Variants in TOPBP1 observed in about 807,000 individuals in gnomAD.
TOPBP1 encodes DNA topoisomerase II binding protein 1.
A neutral mutation model predicts 167.7 loss-of-function variants in TOPBP1; 28 were observed. The ratio of observed to expected loss-of-function variants is 0.17; its 90% confidence interval spans 0.12 to 0.23. The LOEUF (loss-of-function observed/expected upper bound fraction) is 0.23, where lower values mean the gene tolerates loss of function less well. Among genes scored for constraint, TOPBP1 ranks in the 10% least tolerant of loss-of-function variants. The probability of loss-of-function intolerance (pLI) is 1.00; values close to 1 mark genes in which losing one functional copy is unlikely to be tolerated. For missense variants in TOPBP1, 1,554 were observed against 1,809.6 expected (o/e 0.86, Z 2.56); for synonymous variants, 598 against 611.4 (o/e 0.98, Z 0.32).
chr3:133,644,806 T>G (rs1936023590), intron 10 of TOPBP1, among the ~76,000 whole-genome samples: 1 of 152,212 alleles, frequency 6.6e-6, no homozygotes, highest in Non-Finnish European at 1.5e-5. Context: ...TGGCAAATCC[T>G]AAAATATTTA....
intron 8 of TOPBP1, among the ~76,000 whole-genome samples, chr3:133,652,177 G>A (rs1217037395): frequency 6.6e-6 from 1 of 152,044 alleles, no homozygotes; most frequent in Non-Finnish European, 1.5e-5. Context: ...GAAACTAAGT[G>A]CTCTCGAAAT....
chr3:133,617,086 G>T, intron 22 of TOPBP1, 74 bp downstream of exon 22: 1 of 1,496,658 alleles, frequency 6.7e-7, no homozygotes, highest in South Asian at 1.4e-5. Flanking sequence ...CCTTGATATT[G>T]ACATCAACAA....
chr3:133,632,266 G>A (rs1935511403), intron 14 of TOPBP1, among the ~76,000 whole-genome samples: 1 of 151,922 alleles, frequency 6.6e-6, no homozygotes, highest in South Asian at 2.1e-4. Context: ...TTAGCCGGGT[G>A]TGGGGGTAGG....
intron 27 of TOPBP1, among the ~76,000 whole-genome samples, chr3:133,606,197 A>G (rs577228997): frequency 6.6e-6 from 1 of 152,322 alleles, no homozygotes; most frequent in Admixed American, 6.5e-5. Flanking sequence ...CAAAATAAAT[A>G]AATAATAATA....
At position 133,649,617 on chromosome 3, in the gene TOPBP1, C is replaced by T; in HGVS notation, c.1270G>A (p.Ala424Thr). Reference protein sequence around the residue: ...KSAHRPHVVGAKWLLECFSKG... With the variant: ...KSAHRPHVVGTKWLLECFSKG... Reference sequence around the variant, plus strand: ...CTGAAACACTCTAGCAACCACTTTGCTCCCACTACATGAGGCCTACAAAAA... The same window carrying T: ...CTGAAACACTCTAGCAACCACTTTGTTCCCACTACATGAGGCCTACAAAAA... The change falls in exon 10 of 28, where the codon GCA becomes ACA. Residue 424 changes from alanine (A) to threonine (T), a missense_variant. This residue lies in a region of TOPBP1 where 1,197 missense variants were observed against 1,351.5 expected (regional missense o/e 0.89). Coordinates refer to ENST00000260810, the MANE Select transcript of TOPBP1 (RefSeq NM_007027.4). 1.2e-6 allele frequency: 2 copies of T among 1,613,612 alleles called. No individual in the cohort carries two copies. Among genetic ancestry groups the T allele is most frequent in the Non-Finnish European group, 1.7e-6 (2 of 1,179,820 alleles).
Position 133,644,244 on chromosome 3 carries a change from GGACACAATGACT to G in TOPBP1, c.1612_1623del (p.Ser538_Val541del). ...TCTTCAGTAATTGTAGAAACATCAGGGACACAATGACTGACAGAAGACTGGTTTTCTTCTTGC... is the reference window on the plus strand; with the variant it reads ...TCTTCAGTAATTGTAGAAACATCAGGGACAGAAGACTGGTTTTCTTCTTGC... On this transcript the variant is annotated inframe_deletion, in exon 11 of 28. Transcript: ENST00000260810. 1 of 1,613,734 alleles carries G rather than the reference GGACACAATGACT, an allele frequency of 6.2e-7. No homozygotes were observed. The highest frequency in any genetic ancestry group is 8.5e-7 in the Non-Finnish European group (1 of 1,179,822).
chr3:133,622,185 G>GT (rs398052284), intron 19 of TOPBP1, among the ~76,000 whole-genome samples: 45,056 of 106,106 alleles, frequency 0.42, 10,638 homozygotes, highest in South Asian at 0.53. Flanking sequence ...CACCATTTAT[G>GT]TTTTTTTTTT....
chr3:133,623,542 C>CATT (rs1935169630), intron 17 of TOPBP1, 85 bp from the exon 18 acceptor site: 13 of 1,409,572 alleles, frequency 9.2e-6, no homozygotes, highest in Non-Finnish European at 9.3e-6. Flanking sequence ...ACAAGCAATA[C>CATT]ATTATACTGT....
At chr3:133,633,813 A>C (rs1365167039) in intron 14 of TOPBP1, among the ~76,000 whole-genome samples, 1 of 151,768 alleles carries the variant, frequency 6.6e-6, no homozygotes, top group African/African-American at 2.4e-5. Flanking sequence ...ACAAAACAAA[A>C]CCTTTTTCCT....
At chr3:133,641,075 T>C (rs1033369824) in intron 12 of TOPBP1, among the ~76,000 whole-genome samples, 1 of 152,206 alleles carries the variant, frequency 6.6e-6, no homozygotes, top group Admixed American at 6.5e-5. Flanking sequence ...CCATGTTTCC[T>C]AGCACTTTTT....
At chr3:133,633,954 C>T (rs919744446) in intron 14 of TOPBP1, among the ~76,000 whole-genome samples, 2 of 152,168 alleles carry the variant, frequency 1.3e-5, no homozygotes, top group African/African-American at 4.8e-5. Flanking sequence ...TTTGCAACTG[C>T]CTATTTAACA....
At chr3:133,614,130 C>T (rs934376461) in intron 23 of TOPBP1, among the ~76,000 whole-genome samples, 2 of 152,088 alleles carry the variant, frequency 1.3e-5, no homozygotes, top group Non-Finnish European at 2.9e-5. Flanking sequence ...AACATTCAAA[C>T]TCATGATTTA....
chr3:133,605,430 T>G (rs543546802), intron 27 of TOPBP1, among the ~76,000 whole-genome samples: 2 of 152,228 alleles, frequency 1.3e-5, no homozygotes, highest in African/African-American at 4.8e-5. Context: ...TAGCAATATA[T>G]ACAAAGATTA....
rs558896621 is a variant in TOPBP1, at chr3:133,628,919, G to T, written c.2521-186C>A. Among the ~76,000 whole-genome samples, 15 of 152,148 alleles carry T rather than the reference G, an allele frequency of 9.9e-5. No homozygotes were observed. The East Asian group carries it at 2.7e-3, about 27-fold the overall frequency. Reference sequence around the variant, plus strand: ...GTTTTCCTCCAAATAACAAGAAAAAGAATAAACTATAATCAAATCCATATA... The same window carrying T: ...GTTTTCCTCCAAATAACAAGAAAAATAATAAACTATAATCAAATCCATATA... On this transcript the variant is annotated intron_variant, in intron 14 of 27. Transcript: ENST00000260810.
intron 16 of TOPBP1, among the ~76,000 whole-genome samples, chr3:133,627,479 A>G (rs1025992096): frequency 4.6e-5 from 7 of 152,360 alleles, no homozygotes; most frequent in Admixed American, 3.9e-4. Flanking sequence ...ACCGTAGAAG[A>G]GCTTCACTAT....
At chr3:133,610,584 C>T (rs550433310) in intron 25 of TOPBP1, among the ~76,000 whole-genome samples, 65 of 147,376 alleles carry the variant, frequency 4.4e-4, no homozygotes, top group African/African-American at 1.5e-3. Flanking sequence ...CTAGACCTTT[C>T]ATTAAAGGAA....
At position 133,639,973 on chromosome 3, in the gene TOPBP1, T is replaced by C; in HGVS notation, c.2219A>G (p.Asn740Ser). The change falls in exon 13 of 28, where the codon AAT becomes AGT. Residue 740 changes from asparagine to serine, a missense_variant. Transcript: ENST00000260810. ...AAAGTATTAACCTTCTTTAGTTGAA[T>C]TTTCAATCAGAAAATGGCTTTCGTC... Reference protein sequence around the residue: ...RADESHFLIENSTKEERSLET... With the variant: ...RADESHFLIESSTKEERSLET... 6.2e-7 allele frequency: 1 copy of C among 1,613,720 alleles called. No individual in the cohort carries two copies. Among genetic ancestry groups the C allele is most frequent in the Non-Finnish European group, 8.5e-7 (1 of 1,179,786 alleles).
At chr3:133,623,258 A>G in intron 18 of TOPBP1, 53 bp downstream of exon 18, 1 of 1,612,190 alleles carries the variant, frequency 6.2e-7, no homozygotes, top group Non-Finnish European at 8.5e-7. Context: ...ATAGCAATAT[A>G]TGATTATACC....
At chr3:133,609,184 T>C (rs1284247468) in intron 25 of TOPBP1, among the ~76,000 whole-genome samples, 1 of 152,194 alleles carries the variant, frequency 6.6e-6, no homozygotes, top group African/African-American at 2.4e-5. Context: ...AAACCATTAA[T>C]GATTAGGTAA....
Sources: allele counts gnomAD v4.1 joint callset (sites outside exome capture counted in the v4.1 genomes callset), GRCh38; gene constraint gnomAD v4.1.1; regional missense constraint gnomAD v4.1.1; transcripts MANE v1.5; gene names NCBI Gene and HGNC (gene_info 2026-07-23, HGNC 2026-07-21).